The following NCOR2 variants were observed in gnomAD, a reference collection of about 807,000 sequenced individuals.
NCOR2 encodes nuclear receptor corepressor 2.
In NCOR2, 81 loss-of-function variants were observed where a neutral mutation model predicts 262.9. The observed-to-expected ratio is 0.31, with a 90% CI of 0.26 to 0.37. The LOEUF is 0.37. Among genes scored for constraint, NCOR2 ranks in the 10% least tolerant of loss-of-function variants. NCOR2 has a pLI of 1.00. For missense variants in NCOR2, 3,385 were observed against 3,621.4 expected (o/e 0.93, Z 1.68); for synonymous variants, 1,659 against 1,559.3 (o/e 1.06, Z -1.51).
intron 13 of NCOR2, among the ~76,000 whole-genome samples, chr12:124,419,287 A>G (rs1416115969): frequency 1.3e-5 from 2 of 152,164 alleles, no homozygotes; most frequent in African/African-American, 4.8e-5. Context: ...TACGCCATAC[A>G]CTTTTGGTCA....
At chr12:124,441,513 A>C (rs1488470671) in intron 7 of NCOR2, among the ~76,000 whole-genome samples, 2 of 152,262 alleles carry the variant, frequency 1.3e-5, no homozygotes, top group Non-Finnish European at 2.9e-5. Context: ...GGAAACAGAA[A>C]ATCGTCATTA....
chr12:124,491,622 T>C (rs1457995336), intron 1 of NCOR2, among the ~76,000 whole-genome samples: 3 of 152,180 alleles, frequency 2.0e-5, no homozygotes, highest in Non-Finnish European at 2.9e-5. Flanking sequence ...CTTTAGCCCA[T>C]TCGTTTAGCC....
At chr12:124,350,283 G>A (rs531973306) in intron 28 of NCOR2, among the ~76,000 whole-genome samples, 20 of 152,274 alleles carry the variant, frequency 1.3e-4, no homozygotes, top group African/African-American at 4.8e-4. Context: ...TTGTCAGTAC[G>A]GTGCTGGAGG....
exon 33 of NCOR2, chr12:124,343,079 A>G (rs1343960634): frequency 6.2e-7 from 1 of 1,612,452 alleles, no homozygotes; most frequent in South Asian, 1.1e-5. Context: ...ATACAGGTCC[A>G]CGCCACTCAC....
chr12:124,442,190 C>T (rs188779774), intron 7 of NCOR2, among the ~76,000 whole-genome samples: 13 of 152,292 alleles, frequency 8.5e-5, no homozygotes, highest in African/African-American at 2.9e-4. Context: ...GTCTCCCAGG[C>T]GGGAGTGCAG....
At chr12:124,508,503 C>T (rs941886798) in intron 1 of NCOR2, among the ~76,000 whole-genome samples, 2 of 152,142 alleles carry the variant, frequency 1.3e-5, no homozygotes, top group Non-Finnish European at 2.9e-5. Context: ...AAGACCCTGC[C>T]GGAACACAAG....
intron 8 of NCOR2, among the ~76,000 whole-genome samples, chr12:124,433,699 T>G (rs904310241): frequency 6.6e-6 from 1 of 152,124 alleles, no homozygotes; most frequent in Non-Finnish European, 1.5e-5. Context: ...GCATTCGGTC[T>G]GCCTCGGACA....
chr12:124,495,326 C>G (rs143021352), upstream of NCOR2: 709 of 1,505,258 alleles, frequency 4.7e-4, 7 homozygotes, highest in African/African-American at 6.9e-3. This position sits in a 1 kb window ranked among gnomAD's most constrained non-coding sequence, Gnocchi z 4.4. Context: ...GGATTAAAAG[C>G]CAGTCCTCGT....
chr12:124,403,254 GC>G (rs1283383475), intron 13 of NCOR2, among the ~76,000 whole-genome samples: 1 of 152,158 alleles, frequency 6.6e-6, no homozygotes, highest in Non-Finnish European at 1.5e-5. Flanking sequence ...CTGCTCTGCT[GC>G]CTGGGCCTGG....
chr12:124,398,075 T>C (rs746287824), intron 16 of NCOR2, 44 bp downstream of exon 18: 4 of 1,612,156 alleles, frequency 2.5e-6, no homozygotes, highest in South Asian at 2.2e-5. Flanking sequence ...TCAGGCGCCC[T>C]GGATGCAAAC....
chr12:124,386,878 G>T (rs958726065), intron 16 of NCOR2, among the ~76,000 whole-genome samples: 1 of 152,244 alleles, frequency 6.6e-6, no homozygotes, highest in African/African-American at 2.4e-5. Context: ...GCGTGACCTT[G>T]TGTGGCCCAG....
chr12:124,471,343 C>T (rs968457297), intron 4 of NCOR2, among the ~76,000 whole-genome samples: 5 of 152,202 alleles, frequency 3.3e-5, no homozygotes, highest in South Asian at 2.1e-4. Flanking sequence ...CTGGAGGGCA[C>T]TAGATATGAG....
intron 1 of NCOR2, among the ~76,000 whole-genome samples, chr12:124,512,034 G>C (rs1317482622): frequency 2.6e-5 from 4 of 152,160 alleles, no homozygotes; most frequent in Non-Finnish European, 5.9e-5. Context: ...TGATCCTCCT[G>C]CCTCAGCGTG....
rs144724258 is a variant in NCOR2, at chr12:124,447,761, A to G, written c.815+2054T>C. Among the ~76,000 whole-genome samples the G allele has an allele frequency of 2.6e-3, 396 of 151,852 alleles. 1 individual carries two copies. Among genetic ancestry groups the G allele is most frequent in the African/African-American group, 9.1e-3 (376 of 41,370 alleles). On this transcript the variant is annotated intron_variant, in intron 7 of 46. Coordinates refer to ENST00000405201, the Ensembl canonical transcript of NCOR2. ...ACCCAGGCTGGAGTACAGTGGTGCA[A>G]TCACGGCTCACTGCAGCCCTGAACT...
At chr12:124,515,690 C>T (rs535827409) in intron 1 of NCOR2, among the ~76,000 whole-genome samples, 28 of 151,390 alleles carry the variant, frequency 1.8e-4, no homozygotes, top group South Asian at 1.5e-3. Context: ...TGCGAGTATG[C>T]GTGTGCATGT....
intron 3 of NCOR2, among the ~76,000 whole-genome samples, chr12:124,480,930 G>C (rs570338611): frequency 1.3e-5 from 2 of 151,288 alleles, no homozygotes; most frequent in East Asian, 2.0e-4. Flanking sequence ...AGAACCCATG[G>C]GTGAGGGGCG....
Position 124,374,480 on chromosome 12 carries a change from GAA to G in NCOR2, c.2168-19_2168-18del. ...CATGTAAGGCTGGAAGGAAGTCAGAGAAGAGTTAGAAGTGAGGCAGCACCAAG... is the reference window on the plus strand; with the variant it reads ...CATGTAAGGCTGGAAGGAAGTCAGAGGAGTTAGAAGTGAGGCAGCACCAAG... On this transcript the variant is annotated intron_variant, in intron 18 of 46. Transcript: ENST00000405201. The G allele has an allele frequency of 6.2e-7, 1 of 1,610,850 alleles. No individual in the cohort carries two copies. The highest frequency in any genetic ancestry group is 8.5e-7 in the Non-Finnish European group (1 of 1,178,808).
At chr12:124,494,220 G>GAC (rs368597712) in intron 1 of NCOR2, among the ~76,000 whole-genome samples, 20,735 of 151,732 alleles carry the variant, frequency 0.14, 1,474 homozygotes, top group African/African-American at 0.18. Flanking sequence ...AGGCAGGACA[G>GAC]ACACACACAC....
exon 47 of NCOR2, chr12:124,325,377 G>GCCCGCC: frequency 4.1e-6 from 1 of 246,788 alleles, no homozygotes; most frequent in Non-Finnish European, 6.6e-6. Context: ...ACCTGACACC[G>GCCCGCC]CCCCCCCCCC....
Sources: allele counts gnomAD v4.1 joint callset (sites outside exome capture counted in the v4.1 genomes callset), GRCh38; gene constraint gnomAD v4.1.1; non-coding constraint Gnocchi (gnomAD v3.1); transcripts MANE v1.5; gene names NCBI Gene and HGNC (gene_info 2026-07-23, HGNC 2026-07-21).